Variants in ZNF483 observed in about 807,000 individuals in gnomAD.
ZNF483 encodes zinc finger protein HIT-10.
In ZNF483, 9 loss-of-function variants were observed where a neutral mutation model predicts 28.6. The ratio of observed to expected loss-of-function variants is 0.32; its 90% CI spans 0.19 to 0.55. The LOEUF (loss-of-function observed/expected upper bound fraction) is 0.55. Among genes scored for constraint, ZNF483 ranks in the 20% least tolerant of loss-of-function variants. The pLI is 0.93. For synonymous variants in ZNF483, 322 were observed against 306.2 expected (o/e 1.05, Z -0.54); for missense variants, 675 against 871.7 (o/e 0.77, Z 2.84).
rs1564608133 is a variant in ZNF483, at chr9:111,561,151, GA to G, written c.722-15213del. Among the ~76,000 whole-genome samples, 7 of 23,866 alleles carry G rather than the reference GA, an allele frequency of 2.9e-4. 1 individual carries two copies. The highest frequency in any genetic ancestry group is 4.6e-4 in the Non-Finnish European group (5 of 10,964). 15.7% of individuals were successfully genotyped at this position (23,866 alleles called of 152,430 possible). A position where few individuals can be genotyped will look rare whatever the true frequency, so the allele number is the denominator to read the frequency against. Reference sequence around the variant, plus strand: ...GAGAGAGAGAGAGGAGAGAGAGGGAGAGAGAGAGAGAGAGAGAGAGAGAGAG... The same window carrying G: ...GAGAGAGAGAGAGGAGAGAGAGGGAGGAGAGAGAGAGAGAGAGAGAGAGAG... On this transcript the variant is annotated intron_variant, in intron 5 of 5. Coordinates refer to the ZNF483 transcript ENST00000358151.
At chr9:111,533,634 A>T in intron 3 of ZNF483, 105 bp from the exon 4 acceptor site, 1 of 1,187,034 alleles carries the variant, frequency 8.4e-7, no homozygotes, top group Non-Finnish European at 1.1e-6. Context: ...GCACCACTGC[A>T]CTCTAACACG....
In ZNF483 at chr9:111,543,290, A is replaced by T; in HGVS notation, c.*120A>T. 6.9e-7 allele frequency: 1 copy of T among 1,441,736 alleles called. No individual in the cohort carries two copies. 89.3% of individuals were successfully genotyped at this position (1,441,736 alleles called of 1,614,324 possible). The stretch of plus-strand genomic sequence containing the variant: ...GCTTTCGTAAATTGGCAGTTAGGAA[A>T]AATATCCTTTTGCCCATTCATCCCT... On this transcript the variant is annotated 3_prime_UTR_variant, in exon 6 of 6. Transcript: ENST00000309235.
At chr9:111,558,549 A>G (rs1828188547), downstream of ZNF483, among the ~76,000 whole-genome samples, 1 of 152,186 alleles carries the variant, frequency 6.6e-6, no homozygotes, top group Non-Finnish European at 1.5e-5. Flanking sequence ...CTCATCTTGT[A>G]TCTTCCCTAC....
rs2132291113 is a variant in ZNF483, at chr9:111,554,413, A to ATTATTTCTACCACAGTCTGTTC, written c.*11246_*11267dup. Among the ~76,000 whole-genome samples, 1 of 152,280 alleles carries ATTATTTCTACCACAGTCTGTTC rather than the reference A, an allele frequency of 6.6e-6. No homozygotes were observed. Among genetic ancestry groups the ATTATTTCTACCACAGTCTGTTC allele is most frequent in the Non-Finnish European group, 1.5e-5 (1 of 68,012 alleles). On this transcript the variant is annotated 3_prime_UTR_variant, in exon 6 of 6. Transcript: ENST00000309235. ...TCCCCTCATTGTGGTGAGCACATAG[A>ATTATTTCTACCACAGTCTGTTC]TTATTTCTACCACAGTCTGTTCTTT...
At chr9:111,558,467 T>G (rs1487730800), downstream of ZNF483, among the ~76,000 whole-genome samples, 1 of 152,136 alleles carries the variant, frequency 6.6e-6, no homozygotes, top group Admixed American at 6.6e-5. Context: ...CTCTTTAGCC[T>G]GGGAGTTTGA....
chr9:111,572,756 CAAAAAAAAAAA>C (rs58101079), intron 5 of ZNF483, among the ~76,000 whole-genome samples: 1 of 63,512 alleles, frequency 1.6e-5, no homozygotes, highest in Non-Finnish European at 2.8e-5. Flanking sequence ...GACCCTGTCT[CAAAAAAAAAAA>C]AAAAAAAAAA....
chr9:111,566,378 C>T (rs1400767109), intron 5 of ZNF483, among the ~76,000 whole-genome samples: 1 of 152,182 alleles, frequency 6.6e-6, no homozygotes, highest in African/African-American at 2.4e-5. Context: ...TCCCTGGTGA[C>T]AGCCCAGCCC....
At chr9:111,533,993 T>C (rs1827412855) in intron 4 of ZNF483, 128 bp downstream of exon 4, 3 of 1,152,570 alleles carry the variant, frequency 2.6e-6, no homozygotes, top group Non-Finnish European at 3.7e-6. Flanking sequence ...ATAGGACTAA[T>C]CCTAAAAACT....
chr9:111,528,421 A>G (rs1313029154), intron 2 of ZNF483, among the ~76,000 whole-genome samples: 1 of 152,236 alleles, frequency 6.6e-6, no homozygotes, highest in Non-Finnish European at 1.5e-5. Flanking sequence ...GTAATTACAT[A>G]TTATAAATAC....
rs570305434 is a variant in ZNF483 at position 111,553,864 on chromosome 9, G to T, written c.*10694G>T. Among the ~76,000 whole-genome samples, 9 of 152,294 alleles carry T rather than the reference G, an allele frequency of 5.9e-5. No homozygotes were observed. The highest frequency in any genetic ancestry group is 2.2e-4 in the African/African-American group (9 of 41,568). Reference sequence around the variant, plus strand: ...TAGCCACAGAGAACCCAACAAATTGGAGTAGCTTAACTGAATGAAAGTTTA... The same window carrying T: ...TAGCCACAGAGAACCCAACAAATTGTAGTAGCTTAACTGAATGAAAGTTTA... On this transcript the variant is annotated 3_prime_UTR_variant, in exon 6 of 6. Transcript: ENST00000309235.
intron 3 of ZNF483, among the ~76,000 whole-genome samples, chr9:111,533,517 C>T (rs1827401180): frequency 6.6e-6 from 1 of 151,942 alleles, no homozygotes; most frequent in African/African-American, 2.4e-5. Flanking sequence ...AATGCCTCTA[C>T]AAAAAATTTA....
intron 5 of ZNF483, among the ~76,000 whole-genome samples, chr9:111,536,833 GTTT>G (rs1564594671): frequency 6.6e-6 from 1 of 151,974 alleles, no homozygotes; most frequent in African/African-American, 2.4e-5. Context: ...TATGTTATGT[GTTT>G]TTTATACTGT....
chr9:111,560,970 TATATAGAGAGAGAGAGAGAGAG>T (rs1433048495), intron 5 of ZNF483, among the ~76,000 whole-genome samples: 1 of 30,480 alleles, frequency 3.3e-5, no homozygotes, highest in East Asian at 1.1e-3. Context: ...TATATATATA[TATATAGAGAGAGAGAGAGAGAG>T]AGAGAGAGAG....
chr9:111,541,429 C>T (rs1827668288), intron 5 of ZNF483, among the ~76,000 whole-genome samples: 2 of 152,126 alleles, frequency 1.3e-5, no homozygotes, highest in South Asian at 2.1e-4. Flanking sequence ...TGAGAACTTG[C>T]ATCTAACTAT....
chr9:111,574,895 G>A, intron 5 of ZNF483: 1 of 1,366,798 alleles, frequency 7.3e-7, no homozygotes, highest in Non-Finnish European at 1.0e-6. Flanking sequence ...TAGAGATTCA[G>A]GAGAATCATT....
chr9:111,574,721 A>G, intron 5 of ZNF483: 1 of 1,590,556 alleles, frequency 6.3e-7, no homozygotes, highest in Non-Finnish European at 8.6e-7. Flanking sequence ...GATCGTGTGC[A>G]TGTGCTCATT....
At position 111,551,576 on chromosome 9, in the gene ZNF483, T is replaced by G. The variant is rs1346839962; in HGVS notation, c.*8406T>G. Reference sequence around the variant, plus strand: ...GTGCACACTGCCACGCCTGGCTAATTATTTTAGTAGAGGCGGGGTTTCACT... The same window carrying G: ...GTGCACACTGCCACGCCTGGCTAATGATTTTAGTAGAGGCGGGGTTTCACT... On this transcript the variant is annotated 3_prime_UTR_variant, in exon 6 of 6. Coordinates refer to ENST00000309235, the MANE Select transcript of ZNF483 (RefSeq NM_133464.5). Among the ~76,000 whole-genome samples, 1 of 151,908 alleles carries G rather than the reference T, an allele frequency of 6.6e-6. No individual in the cohort carries two copies. The highest frequency in any genetic ancestry group is 1.5e-5 in the Non-Finnish European group (1 of 67,950).
chr9:111,574,144 G>A (rs958501895), intron 5 of ZNF483: 2 of 152,128 alleles, frequency 1.3e-5, no homozygotes, highest in African/African-American at 4.8e-5. Context: ...TATTTTACCA[G>A]CCAGACCAAG....
In ZNF483 at chr9:111,542,699, T is replaced by C. The variant is rs747439140; in HGVS notation, c.1764T>C (p.Phe588=). The C allele has an allele frequency of 1.2e-6, 2 of 1,614,104 alleles. No homozygotes were observed. Among genetic ancestry groups the C allele is most frequent in the Non-Finnish European group, 8.5e-7 (1 of 1,180,000 alleles). Residue 588 remains phenylalanine (F), a synonymous_variant, in exon 6 of 6, where the codon TTT becomes TTC. Coordinates refer to ENST00000309235, the MANE Select transcript of ZNF483 (RefSeq NM_133464.5). This position sits in a 1 kb window ranked among gnomAD's most constrained non-coding sequence, Gnocchi z 6.2. The part of the protein sequence containing the change: ...PYKCGECGKA[F]RQNSCLTRHQ... ...AATGTGGCGAATGTGGAAAAGCCTTTAGGCAGAATTCATGCCTTACCCGGC... is the reference window on the plus strand; with the variant it reads ...AATGTGGCGAATGTGGAAAAGCCTTCAGGCAGAATTCATGCCTTACCCGGC...
Sources: allele counts gnomAD v4.1 joint callset (sites outside exome capture counted in the v4.1 genomes callset), GRCh38; gene constraint gnomAD v4.1.1; non-coding constraint Gnocchi (gnomAD v3.1); transcripts MANE v1.5; gene names NCBI Gene and HGNC (gene_info 2026-07-23, HGNC 2026-07-21).